The following DNAJA4 variants were observed in gnomAD, a reference collection of about 807,000 sequenced individuals.
DNAJA4 encodes DnaJ heat shock protein family (Hsp40) member A4.
A neutral mutation model predicts 39.7 loss-of-function variants in DNAJA4; 32 were observed. That is an observed-to-expected ratio of 0.81 (90% confidence interval 0.61 to 1.08). The LOEUF is 1.08. Among genes scored for constraint, DNAJA4 ranks in the 50% least tolerant of loss-of-function variants. The probability of loss-of-function intolerance (pLI) is 0.00; values close to 1 mark genes in which losing one functional copy is unlikely to be tolerated. For missense variants in DNAJA4, 439 were observed against 505.1 expected, an observed-to-expected ratio of 0.87 and a Z score of 1.25; for synonymous variants, 184 against 182.4, an observed-to-expected ratio of 1.01 and a Z score of -0.07.
At chr15:78,267,686 G>C (rs1263359322) in intron 1 of DNAJA4, among the ~76,000 whole-genome samples, 1 of 152,128 alleles carries the variant, frequency 6.6e-6, no homozygotes, top group East Asian at 1.9e-4. Flanking sequence ...GAAAATTTTA[G>C]AACACAGAGG....
chr15:78,265,001 C>A (rs2049081678), intron 1 of DNAJA4, 106 bp downstream of exon 1: 1 of 1,304,084 alleles, frequency 7.7e-7, no homozygotes, highest in Non-Finnish European at 1.0e-6. Context: ...GTTGGGGAGG[C>A]TGTCGCCAGG....
At position 78,279,802 on chromosome 15, in the gene DNAJA4, T is replaced by C. The variant is rs2049599516; in HGVS notation, c.878-243T>C. The stretch of plus-strand genomic sequence containing the variant: ...CCTACCTGTGATGGCAGCTGCACCA[T>C]GCTGCCCTCTTGACACACTGCTGGA... On this transcript the variant is annotated intron_variant, in intron 5 of 6. Transcript: ENST00000394852. The surrounding 1 kb of genome is among the most constrained non-coding windows in gnomAD (Gnocchi z 4.5). 1 of 573,908 alleles carries C rather than the reference T, an allele frequency of 1.7e-6. No homozygotes were observed. The highest frequency in any genetic ancestry group is 1.9e-5 in the African/African-American group (1 of 53,444). The allele number at this position is 573,908 out of a possible 1,614,324, so 35.6% of individuals were successfully genotyped here. A position where few individuals can be genotyped will look rare whatever the true frequency, so the allele number is the denominator to read the frequency against.
At position 78,281,328 on chromosome 15, in the gene DNAJA4, G is replaced by A. The variant is rs1283628394; in HGVS notation, c.*868G>A. Reference sequence around the variant, plus strand: ...GCCAAGGGAGAATGCTGCTGGTTTGGCCCATGGCACAGCCAGCTTCTCTGA... The same window carrying A: ...GCCAAGGGAGAATGCTGCTGGTTTGACCCATGGCACAGCCAGCTTCTCTGA... On this transcript the variant is annotated 3_prime_UTR_variant, in exon 7 of 7. Coordinates refer to ENST00000394852, the MANE Select transcript of DNAJA4 (RefSeq NM_001130182.2). 1 of 152,636 alleles carries A rather than the reference G, an allele frequency of 6.6e-6. No homozygotes were observed. The highest frequency in any genetic ancestry group is 1.5e-5 in the Non-Finnish European group (1 of 68,046). The allele number at this position is 152,636 out of a possible 1,614,324, so 9.5% of individuals were successfully genotyped here.
At position 78,264,937 on chromosome 15, in the gene DNAJA4, C is replaced by G. The variant is rs780030732; in HGVS notation, c.132+42C>G. ...GGCACGGGCCGGGCTCCCGAGGGGC[C>G]AAGGGTTATTAAGCCAGGAGCATTG... On this transcript the variant is annotated intron_variant, in intron 1 of 6. Coordinates refer to ENST00000394852, the MANE Select transcript of DNAJA4 (RefSeq NM_001130182.2). The G allele has an allele frequency of 8.8e-5, 134 of 1,529,324 alleles. 1 individual carries two copies. The Middle Eastern group carries it at 1.5e-3, about 18-fold the overall frequency. The allele number at this position is 1,529,324 out of a possible 1,614,324, so 94.7% of individuals were successfully genotyped here. A position where few individuals can be genotyped will look rare whatever the true frequency, so the allele number is the denominator to read the frequency against.
In DNAJA4 at chr15:78,274,619, G is replaced by A. The variant is rs1030920725; in HGVS notation, c.646+195G>A. On this transcript the variant is annotated intron_variant, in intron 4 of 6. Transcript: ENST00000394852. ...TTTCCATTCCATGTCACCTGCCAAA[G>A]TGTTCTTGCTGAGGTTTACTTCCTT... The A allele has an allele frequency of 6.6e-6, 4 of 609,276 alleles. No individual in the cohort carries two copies. In the African/African-American group the frequency reaches 7.4e-5, roughly 11 times the overall value. The allele number at this position is 609,276 out of a possible 1,614,324, so 37.7% of individuals were successfully genotyped here.
At position 78,264,908 on chromosome 15, in the gene DNAJA4, G is replaced by A. The variant is rs754367492; in HGVS notation, c.132+13G>A. Reference sequence around the variant, plus strand: ...TGAGGGCGAGAAGGTGCGGGGCGGCGCGGGGCACGGGCCGGGCTCCCGAGG... The same window carrying A: ...TGAGGGCGAGAAGGTGCGGGGCGGCACGGGGCACGGGCCGGGCTCCCGAGG... On this transcript the variant is annotated intron_variant, in intron 1 of 6. Transcript: ENST00000394852. 6.3e-6 allele frequency: 10 copies of A among 1,579,894 alleles called. No individual in the cohort carries two copies. In the Admixed American group the frequency reaches 1.2e-4, roughly 20 times the overall value.
intron 1 of DNAJA4, among the ~76,000 whole-genome samples, chr15:78,267,154 G>A (rs1400477552): frequency 6.7e-6 from 1 of 148,934 alleles, no homozygotes; most frequent in East Asian, 2.0e-4. Flanking sequence ...GTGTGTGTGA[G>A]TGTGTATGTG....
rs1567116267 is a variant in DNAJA4, at chr15:78,270,580, T to G, written c.216T>G (p.Ile72Met). Reference protein sequence around the residue: ...DVYDQGGEQAIKEGGSGSPSF... With the variant: ...DVYDQGGEQAMKEGGSGSPSF... ...ATGACCAAGGCGGAGAGCAGGCAAT[T>G]AAAGAAGGAGGCTCAGGCAGCCCCA... The change falls in exon 2 of 7, where the codon ATT (isoleucine) becomes ATG (methionine). Residue 72 changes from isoleucine to methionine, a missense_variant. Transcript: ENST00000394852. The G allele has an allele frequency of 6.2e-7, 1 of 1,614,180 alleles. No homozygotes were observed.
chr15:78,275,752 ATTGATG>A lies in DNAJA4; in HGVS notation c.877+27_877+32del, dbSNP rs563571693. The stretch of plus-strand genomic sequence containing the variant: ...AGGTAATGTTTCAAAGTGTGTTTCC[ATTGATG>A]TTCTGTATGTTTGGCATAATAATTC... On this transcript the variant is annotated intron_variant, in intron 5 of 6. Transcript: ENST00000394852. 2.0e-3 allele frequency: 3,091 copies of A among 1,520,654 alleles called. 6 individuals carry two copies. The highest frequency in any genetic ancestry group is 2.6e-3 in the Non-Finnish European group (2,826 of 1,107,350). 94.2% of individuals were successfully genotyped at this position (1,520,654 alleles called of 1,614,324 possible).
intron 1 of DNAJA4, chr15:78,265,541 A>G (rs1168444878): frequency 1.4e-6 from 1 of 702,254 alleles, no homozygotes; most frequent in African/African-American, 1.7e-5. Flanking sequence ...TTCGGTGACA[A>G]GTGACACACA....
In DNAJA4 at chr15:78,274,295, C is replaced by G. The variant is rs1202074357; in HGVS notation, c.517C>G (p.Gln173Glu). Residue 173 changes from glutamine to glutamate, a missense_variant, in exon 4 of 7, where the codon CAG becomes GAG. Gln to Glu is a conservative substitution (Grantham distance 29, BLOSUM62 2). Coordinates refer to ENST00000394852, the MANE Select transcript of DNAJA4 (RefSeq NM_001130182.2). Reference protein sequence around the residue: ...IQQIGPGMVQQIQTVCIECKG... With the variant: ...IQQIGPGMVQEIQTVCIECKG... ...GCAGATCGGGCCGGGCATGGTACAG[C>G]AGATCCAGACCGTGTGCATCGAGTG... The G allele has an allele frequency of 1.1e-5, 18 of 1,614,064 alleles. No homozygotes were observed. Among genetic ancestry groups the G allele is most frequent in the Non-Finnish European group, 1.5e-5 (18 of 1,180,042 alleles).
At chr15:78,278,158 G>A (rs2049528079) in intron 5 of DNAJA4, 1 of 455,906 alleles carries the variant, frequency 2.2e-6, no homozygotes, top group Non-Finnish European at 4.4e-6. Flanking sequence ...CTGCCTGCAG[G>A]CAGGTATTTA....
In DNAJA4 at chr15:78,270,565, C is replaced by T. The variant is rs369757878; in HGVS notation, c.201C>T (p.Gly67=). ...AGAAAAGGGATGTTTATGACCAAGG[C>T]GGAGAGCAGGCAATTAAAGAAGGAG... ...DPKKRDVYDQ[G]GEQAIKEGGS... is the part of the protein sequence containing the mutation. The change falls in exon 2 of 7, where the codon GGC becomes GGT. Residue 67 remains glycine, a synonymous_variant. Coordinates refer to ENST00000394852, the MANE Select transcript of DNAJA4 (RefSeq NM_001130182.2). 42 of 1,614,106 alleles carry T rather than the reference C, an allele frequency of 2.6e-5. No individual in the cohort carries two copies. The highest frequency in any genetic ancestry group is 1.6e-4 in the Middle Eastern group (1 of 6,062).
rs1384141877 is a variant in DNAJA4, at chr15:78,280,264, A to G, written c.998A>G (p.His333Arg). ...TTACAGGTAATCTTTCCTGAAAAAC[A>G]CTGGCTTTCTCTGGAAAAGCTTCCT... Reference protein sequence around the residue: ...IQFLVIFPEKHWLSLEKLPQL... With the variant: ...IQFLVIFPEKRWLSLEKLPQL... The change falls in exon 7 of 7, where the codon CAC (histidine) becomes CGC (arginine). Residue 333 changes from histidine to arginine, a missense_variant. Physicochemically the swap from His to Arg is conservative, Grantham distance 29. Coordinates refer to ENST00000394852, the MANE Select transcript of DNAJA4 (RefSeq NM_001130182.2). 2.5e-6 allele frequency: 4 copies of G among 1,614,028 alleles called. No individual in the cohort carries two copies. In the Admixed American group the frequency reaches 6.7e-5, roughly 27 times the overall value.
intron 2 of DNAJA4, among the ~76,000 whole-genome samples, chr15:78,272,180 A>T (rs2049317766): frequency 6.6e-6 from 1 of 152,148 alleles, no homozygotes; most frequent in Non-Finnish European, 1.5e-5. Flanking sequence ...ACTAAAAAAT[A>T]CAAAAACTTA....
At chr15:78,274,600 T>C in intron 4 of DNAJA4, 176 bp downstream of exon 4, 2 of 634,164 alleles carry the variant, frequency 3.2e-6, no homozygotes, top group Non-Finnish European at 5.6e-6. Context: ...CTTATTTCCA[T>C]TCCATGTCAC....
In DNAJA4 at chr15:78,280,640, A is replaced by G. The variant is rs1195007268; in HGVS notation, c.*180A>G. On this transcript the variant is annotated 3_prime_UTR_variant, in exon 7 of 7. Transcript: ENST00000394852. ...TTGGTTGTAACTTAAGTTATAGCTT[A>G]ATTTATATTTAAATGTTTTAAGTAT... 1 of 568,326 alleles carries G rather than the reference A, an allele frequency of 1.8e-6. No individual in the cohort carries two copies. Among genetic ancestry groups the G allele is most frequent in the East Asian group, 2.9e-5 (1 of 34,894 alleles). 35.2% of individuals were successfully genotyped at this position (568,326 alleles called of 1,614,324 possible). A position where few individuals can be genotyped will look rare whatever the true frequency, so the allele number is the denominator to read the frequency against.
intron 5 of DNAJA4, chr15:78,278,022 CTCT>C (rs2049522695): frequency 2.2e-6 from 1 of 455,792 alleles, no homozygotes; most frequent in Non-Finnish European, 4.4e-6. Context: ...TCTCTTCTCC[CTCT>C]TCTTCCTCTT....
chr15:78,272,635 C>T (rs1037283527), intron 2 of DNAJA4, among the ~76,000 whole-genome samples: 23 of 152,170 alleles, frequency 1.5e-4, no homozygotes, highest in African/African-American at 9.7e-5. Flanking sequence ...ATTTGGCCAC[C>T]GGTTACAGAA....
Sources: allele counts gnomAD v4.1 joint callset (sites outside exome capture counted in the v4.1 genomes callset), GRCh38; gene constraint gnomAD v4.1.1; non-coding constraint Gnocchi (gnomAD v3.1); transcripts MANE v1.5; gene names NCBI Gene and HGNC (gene_info 2026-07-23, HGNC 2026-07-21).